PTPN13: variants seen among roughly 807,000 people sequenced by gnomAD.
PTPN13 encodes protein tyrosine phosphatase non-receptor type 13.
Under a neutral mutation model 284.0 loss-of-function variants are expected in PTPN13, and 191 were observed. The observed-to-expected ratio is 0.67, with a 90% CI of 0.60 to 0.76. The LOEUF (loss-of-function observed/expected upper bound fraction) is 0.76. PTPN13 is among the 30% of genes least tolerant of loss of function. The pLI is 0.00. For missense variants in PTPN13, 2,797 were observed against 2,939.9 expected, an observed-to-expected ratio of 0.95 and a Z score of 1.12; for synonymous variants, 986 against 1,022.3, an observed-to-expected ratio of 0.96 and a Z score of 0.68.
At position 86,763,089 on chromosome 4, in the gene PTPN13, A is replaced by C; in HGVS notation, c.3916A>C (p.Lys1306Gln). 1.9e-6 allele frequency: 3 copies of C among 1,613,828 alleles called. No individual in the cohort carries two copies. Among genetic ancestry groups the C allele is most frequent in the Non-Finnish European group, 2.5e-6 (3 of 1,179,860 alleles). ...TGATAGTAACCAAAGCAAAACTAAA[A>C]AGCCAGGCATTTCTGATGTAACTGA... ...FTDSNQSKTK[K>Q]PGISDVTDYS... Residue 1306 changes from lysine to glutamine, a missense_variant, in exon 24 of 48, where the codon AAG becomes CAG. Lys to Gln is a moderately conservative substitution (Grantham distance 53). Coordinates refer to ENST00000411767, the MANE Select transcript of PTPN13 (RefSeq NM_080683.3).
chr4:86,672,386 C>T lies in PTPN13; in HGVS notation c.137C>T (p.Ala46Val). ...FRKVSLADPA[A>V]LGFIISPWSL... is the part of the protein sequence containing the mutation. ...CCAGTAAGCCTAGCTGATCCTGCTG[C>T]CCTTGGCTTCATCATTTCTCCATGG... Residue 46 changes from alanine to valine, a missense_variant, in exon 3 of 48, where the codon GCC becomes GTC. Ala to Val is a moderately conservative substitution (Grantham distance 64, BLOSUM62 0). Transcript: ENST00000411767. 1 of 1,552,650 alleles carries T rather than the reference C, an allele frequency of 6.4e-7. No homozygotes were observed. Among genetic ancestry groups the T allele is most frequent in the Non-Finnish European group, 8.7e-7 (1 of 1,147,742 alleles).
chr4:86,653,450 C>T (rs1404270712), intron 2 of PTPN13, among the ~76,000 whole-genome samples: 1 of 151,214 alleles, frequency 6.6e-6, no homozygotes, highest in Non-Finnish European at 1.5e-5. Context: ...TTACTGCAGC[C>T]ATTTCAGCAC....
At position 86,756,081 on chromosome 4, in the gene PTPN13, A is replaced by G. The variant is rs1182464268; in HGVS notation, c.3224-2179A>G. On this transcript the variant is annotated intron_variant, in intron 20 of 47. Coordinates refer to ENST00000411767, the MANE Select transcript of PTPN13 (RefSeq NM_080683.3). ...TAATGGATTTCCTTAGTTTCCAAGT[A>G]TCCCAATTCCTGAACGGTGGGTTAT... 2.6e-5 allele frequency among the ~76,000 whole-genome samples: 4 copies of G among 152,002 alleles called. No individual in the cohort carries two copies. The East Asian group carries it at 7.8e-4, about 30-fold the overall frequency.
At chr4:86,745,213 G>T in intron 17 of PTPN13, 85 bp downstream of exon 17, 1 of 1,295,922 alleles carries the variant, frequency 7.7e-7, no homozygotes, top group Non-Finnish European at 1.1e-6. Flanking sequence ...GCCATGATTA[G>T]GATGAAAACT....
rs528559710 is a variant in PTPN13, at chr4:86,750,826, C to T, written c.3007C>T (p.Pro1003Ser). Residue 1003 changes from proline to serine, a missense_variant, in exon 18 of 48, where the codon CCT becomes TCT. Transcript: ENST00000411767. ...PQTVAELVGK[P>S]SHQMSRSDAE... ...AACCGTTGCAGAGTTGGTGGGAAAA[C>T]CTTCTCACCAGATGTCAAGATCTGA... The T allele has an allele frequency of 5.6e-6, 9 of 1,613,736 alleles. No homozygotes were observed. Among genetic ancestry groups the T allele is most frequent in the East Asian group, 2.2e-5 (1 of 44,856 alleles).
At chr4:86,766,780 T>A (rs1416795822) in intron 27 of PTPN13, 1 of 280,738 alleles carries the variant, frequency 3.6e-6, no homozygotes, top group Non-Finnish European at 6.6e-6. Context: ...GGGATGGAAA[T>A]TGCATTTTAA....
chr4:86,695,802 AT>A (rs1452462397), intron 6 of PTPN13, among the ~76,000 whole-genome samples: 5 of 151,750 alleles, frequency 3.3e-5, no homozygotes, highest in Non-Finnish European at 7.4e-5. Flanking sequence ...GTTGAAGTTT[AT>A]TTGCTTATGT....
intron 18 of PTPN13, 26 bp downstream of exon 18, chr4:86,750,913 T>C: frequency 6.3e-7 from 1 of 1,593,654 alleles, no homozygotes; most frequent in Non-Finnish European, 8.6e-7. Flanking sequence ...CTAACCCAAT[T>C]ACATATTTGT....
chr4:86,722,289 T>A lies in PTPN13; in HGVS notation c.1463T>A (p.Met488Lys). The change falls in exon 10 of 48, where the codon ATG becomes AAG. Residue 488 changes from methionine to lysine, a missense_variant. Physicochemically the swap from Met to Lys is moderately conservative, Grantham distance 95. Coordinates refer to ENST00000411767, the MANE Select transcript of PTPN13 (RefSeq NM_080683.3). ...IMLKRQEEEL[M>K]QLQAKMALRQ... ...CTAAAACGGCAAGAGGAAGAACTGA[T>A]GCAGCTACAAGCCAAAATGGCCCTT... 1 of 1,613,784 alleles carries A rather than the reference T, an allele frequency of 6.2e-7. No individual in the cohort carries two copies. The highest frequency in any genetic ancestry group is 8.5e-7 in the Non-Finnish European group (1 of 1,179,804).
At chr4:86,739,126 C>G (rs748117288) in intron 15 of PTPN13, among the ~76,000 whole-genome samples, 1 of 152,008 alleles carries the variant, frequency 6.6e-6, no homozygotes, top group Non-Finnish European at 1.5e-5. Context: ...GCTTTTAGTG[C>G]CTGTATTTAG....
intron 2 of PTPN13, chr4:86,661,292 A>G (rs1427595968): frequency 4.1e-6 from 1 of 241,678 alleles, no homozygotes; most frequent in African/African-American, 2.4e-5. Context: ...TGAGACATTC[A>G]GATTTTGTGA....
chr4:86,604,462 CT>C (rs1197744933), intron 1 of PTPN13, among the ~76,000 whole-genome samples: 1 of 151,922 alleles, frequency 6.6e-6, no homozygotes, highest in East Asian at 1.9e-4. Context: ...ATTTTAGCCT[CT>C]TTAGTTTACA....
chr4:86,672,284 G>A, intron 2 of PTPN13, 81 bp from the exon 3 acceptor site: 1 of 1,190,894 alleles, frequency 8.4e-7, no homozygotes, highest in Non-Finnish European at 1.2e-6. Flanking sequence ...CCATTGAAGT[G>A]ATTGCTGTTT....
Position 86,764,637 on chromosome 4 carries a change from A to T in PTPN13, c.4062A>T (p.Lys1354Asn). ...SVNTSNKMNF[K>N]TFSSSPPKPG... is the part of the protein sequence containing the mutation. ...ATACATCCAACAAGATGAATTTTAA[A>T]ACTTTTTCTTCATCACCTCCTAAGC... is the stretch of plus-strand genomic sequence containing the variant. Residue 1354 changes from lysine to asparagine, a missense_variant, in exon 25 of 48, where the codon AAA (lysine) becomes AAT (asparagine). Transcript: ENST00000411767. 1 of 1,576,216 alleles carries T rather than the reference A, an allele frequency of 6.3e-7. No homozygotes were observed. Among genetic ancestry groups the T allele is most frequent in the African/African-American group, 1.4e-5 (1 of 74,054 alleles).
intron 17 of PTPN13, among the ~76,000 whole-genome samples, chr4:86,747,101 A>G (rs768688228): frequency 9.9e-5 from 15 of 152,236 alleles, no homozygotes; most frequent in African/African-American, 1.7e-4. Context: ...ACTTCATTAT[A>G]GTTGTTGTAT....
At position 86,711,443 on chromosome 4, in the gene PTPN13, C is replaced by T. The variant is rs1385231590; in HGVS notation, c.1196-5087C>T. On this transcript the variant is annotated intron_variant, in intron 7 of 47. Transcript: ENST00000411767. ...ATGTGTTTATGTACATTTATTTACA[C>T]ACACCCTATATGGTACTTCTTTTTT... Among the ~76,000 whole-genome samples the T allele has an allele frequency of 2.0e-5, 3 of 152,194 alleles. No individual in the cohort carries two copies. In the East Asian group the frequency reaches 5.8e-4, roughly 29 times the overall value.
intron 2 of PTPN13, among the ~76,000 whole-genome samples, chr4:86,666,214 T>C (rs1439932673): frequency 1.3e-5 from 2 of 152,146 alleles, no homozygotes; most frequent in Non-Finnish European, 2.9e-5. Flanking sequence ...ATTACTGAAG[T>C]CAGCTACTAT....
intron 9 of PTPN13, 65 bp from the exon 10 acceptor site, chr4:86,722,147 G>T (rs980256820): frequency 9.0e-5 from 120 of 1,339,612 alleles, no homozygotes; most frequent in Non-Finnish European, 1.2e-4. Flanking sequence ...AATGAAATTT[G>T]CTTGATTAGC....
intron 2 of PTPN13, among the ~76,000 whole-genome samples, chr4:86,636,307 G>A (rs1435143277): frequency 6.6e-6 from 1 of 152,196 alleles, no homozygotes; most frequent in Non-Finnish European, 1.5e-5. Flanking sequence ...GCGGCATTGT[G>A]GAGTTAGAAA....
Sources: gnomAD v4.1 joint callset for allele counts (sites outside exome capture counted in the v4.1 genomes callset) on GRCh38, gnomAD v4.1.1 for gene constraint, MANE v1.5 for transcripts, NCBI Gene and HGNC (gene_info 2026-07-23, HGNC 2026-07-21) for gene names.